The following CLYBL variants were observed in gnomAD, a reference collection of about 807,000 sequenced individuals.
CLYBL encodes citramalyl-CoA lyase, also known as citramalyl-CoA lyase, mitochondrial.
A neutral mutation model predicts 38.9 loss-of-function variants in CLYBL; 31 were observed. That is an observed-to-expected ratio of 0.80 (90% CI 0.60 to 1.08). The LOEUF (loss-of-function observed/expected upper bound fraction) is 1.08, where lower values mean the gene tolerates loss of function less well. Ranked by LOEUF, CLYBL falls within the 50% of genes least tolerant of loss-of-function variation. The pLI is 0.00. For missense variants in CLYBL, 434 were observed against 411.6 expected (o/e 1.05, Z -0.47); for synonymous variants, 171 against 158.6 (o/e 1.08, Z -0.59).
intron 1 of CLYBL, among the ~76,000 whole-genome samples, chr13:99,747,259 C>T (rs897488340): frequency 2.0e-5 from 3 of 147,604 alleles, no homozygotes; most frequent in African/African-American, 5.0e-5. Context: ...CTCCCCTCCT[C>T]CTTCGTTCCT....
chr13:99,878,615 A>G (rs978237791), intron 7 of CLYBL, among the ~76,000 whole-genome samples: 2 of 152,228 alleles, frequency 1.3e-5, no homozygotes, highest in Admixed American at 1.3e-4. Context: ...TGCACGTACA[A>G]TGGGTGGATT....
chr13:99,855,089 C>G (rs1370045606), intron 2 of CLYBL, among the ~76,000 whole-genome samples: 1 of 152,166 alleles, frequency 6.6e-6, no homozygotes, highest in Non-Finnish European at 1.5e-5. Context: ...GGTAATTAGT[C>G]TCTTCGAAGT....
intron 2 of CLYBL, among the ~76,000 whole-genome samples, chr13:99,788,516 A>G (rs2049847433): frequency 6.6e-6 from 1 of 152,168 alleles, no homozygotes; most frequent in Non-Finnish European, 1.5e-5. Context: ...TGATTTGCAT[A>G]TGTTGAACCA....
intron 2 of CLYBL, among the ~76,000 whole-genome samples, chr13:99,835,296 C>T (rs1050817707): frequency 5.9e-5 from 9 of 152,206 alleles, no homozygotes; most frequent in African/African-American, 2.2e-4. Context: ...AAAGAGGTAG[C>T]CGGGTGGTCC....
chr13:99,713,583 G>T (rs552849493), intron 1 of CLYBL, among the ~76,000 whole-genome samples: 2 of 151,980 alleles, frequency 1.3e-5, no homozygotes, highest in South Asian at 2.1e-4. Flanking sequence ...CAGGTGATCC[G>T]CCCTCCTTGG....
chr13:99,711,596 G>A (rs1173530989), intron 1 of CLYBL, among the ~76,000 whole-genome samples: 1 of 147,918 alleles, frequency 6.8e-6, no homozygotes, highest in Non-Finnish European at 1.5e-5. Flanking sequence ...AGTAGAGATG[G>A]CGTTTCTCCA....
intron 7 of CLYBL, among the ~76,000 whole-genome samples, chr13:99,881,003 A>G (rs1306774250): frequency 6.6e-6 from 1 of 152,184 alleles, no homozygotes; most frequent in Non-Finnish European, 1.5e-5. Context: ...GCTGCTCAGC[A>G]TGCTGCTCCC....
At chr13:99,808,879 C>A (rs911769061) in intron 2 of CLYBL, among the ~76,000 whole-genome samples, 2 of 152,162 alleles carry the variant, frequency 1.3e-5, no homozygotes, top group Admixed American at 6.5e-5. Flanking sequence ...TGATCCTGGT[C>A]CTTCCTATTC....
chr13:99,630,606 C>T (rs953046347), intron 1 of CLYBL, among the ~76,000 whole-genome samples: 1 of 152,010 alleles, frequency 6.6e-6, no homozygotes. Flanking sequence ...TTATTTTTGG[C>T]CTCTCTTTTT....
At chr13:99,631,060 G>A (rs933707840) in intron 1 of CLYBL, among the ~76,000 whole-genome samples, 3 of 152,314 alleles carry the variant, frequency 2.0e-5, no homozygotes, top group South Asian at 2.1e-4. Flanking sequence ...GGTGGCTCAT[G>A]CCTGTAATCC....
At chr13:99,825,187 G>A (rs2050671317) in intron 2 of CLYBL, among the ~76,000 whole-genome samples, 1 of 152,178 alleles carries the variant, frequency 6.6e-6, no homozygotes, top group Admixed American at 6.5e-5. Context: ...CAAGCAACAA[G>A]CCCTGGGGGA....
At chr13:99,679,528 T>C (rs1032793440) in intron 1 of CLYBL, among the ~76,000 whole-genome samples, 4 of 152,096 alleles carry the variant, frequency 2.6e-5, no homozygotes, top group Non-Finnish European at 4.4e-5. Context: ...GTTACTCAGA[T>C]CTCCACTGTG....
chr13:99,709,902 CTTTTTTTTTTTTCTTTCTTTCTTTT>C (rs1444225248), intron 1 of CLYBL, among the ~76,000 whole-genome samples: 2 of 139,110 alleles, frequency 1.4e-5, no homozygotes, highest in Non-Finnish European at 3.1e-5. Flanking sequence ...TCGCCCCTAC[CTTTTTTTTTTTTCTTTCTTTCTTTT>C]TTTTTTTTTT....
chr13:99,885,805 G>A (rs911726288), intron 7 of CLYBL, among the ~76,000 whole-genome samples: 1 of 152,212 alleles, frequency 6.6e-6, no homozygotes, highest in Non-Finnish European at 1.5e-5. Context: ...GTGCCCATGA[G>A]AGTGTCTCCG....
chr13:99,787,681 G>A (rs563016196), intron 2 of CLYBL, among the ~76,000 whole-genome samples: 74 of 152,202 alleles, frequency 4.9e-4, no homozygotes, highest in African/African-American at 8.9e-4. Context: ...TTGGCGATGC[G>A]GATTCTTTTT....
At chr13:99,891,283 AT>A in intron 7 of CLYBL, 34 bp from the exon 8 acceptor site, 1 of 1,447,732 alleles carries the variant, frequency 6.9e-7, no homozygotes. Flanking sequence ...AATTTCGAGT[AT>A]TCTTTCAGGA....
chr13:99,824,896 G>A (rs549724308), intron 2 of CLYBL, among the ~76,000 whole-genome samples: 1 of 152,296 alleles, frequency 6.6e-6, no homozygotes, highest in African/African-American at 2.4e-5. Flanking sequence ...TTGTTAGGAT[G>A]TCAGTTTTTC....
intron 1 of CLYBL, among the ~76,000 whole-genome samples, chr13:99,692,042 A>AGGAT (rs1324502148): frequency 1.3e-5 from 2 of 152,180 alleles, no homozygotes; most frequent in Non-Finnish European, 2.9e-5. Flanking sequence ...CTTCATAGCC[A>AGGAT]GGATGGATAT....
intron 1 of CLYBL, among the ~76,000 whole-genome samples, chr13:99,665,017 TAAA>T (rs1447297575): frequency 1.3e-5 from 2 of 151,880 alleles, no homozygotes; most frequent in Admixed American, 6.6e-5. Context: ...GTTTTTCAAT[TAAA>T]AAGTGGTTTG....
Sources: gnomAD v4.1 joint callset for allele counts (sites outside exome capture counted in the v4.1 genomes callset) on GRCh38, gnomAD v4.1.1 for gene constraint, MANE v1.5 for transcripts, NCBI Gene and HGNC (gene_info 2026-07-23, HGNC 2026-07-21) for gene names.